Variants in ASB15 observed in about 807,000 individuals in gnomAD.
The protein encoded by ASB15 is ankyrin repeat and SOCS box containing 15, also known as ankyrin repeat and SOCS box protein 15.
In ASB15, 54 loss-of-function variants were observed where a neutral mutation model predicts 58.0. The ratio of observed to expected loss-of-function variants is 0.93; its 90% CI spans 0.75 to 1.17. The LOEUF (loss-of-function observed/expected upper bound fraction) is 1.17, where lower values mean the gene tolerates loss of function less well. Among genes scored for constraint, ASB15 ranks in the 50% most tolerant of loss-of-function variants. The probability of loss-of-function intolerance (pLI) is 0.00; values close to 1 mark genes in which losing one functional copy is unlikely to be tolerated. For missense variants in ASB15, 680 were observed against 707.4 expected (o/e 0.96, Z 0.44); for synonymous variants, 249 against 262.4 (o/e 0.95, Z 0.50).
chr7:123,623,484 C>G (rs1801469784), intron 7 of ASB15, among the ~76,000 whole-genome samples: 1 of 152,116 alleles, frequency 6.6e-6, no homozygotes, highest in African/African-American at 2.4e-5. Flanking sequence ...CTTAATTGTA[C>G]TACATTAACG....
chr7:123,621,678 C>T (rs1441719139), intron 7 of ASB15: 2 of 152,190 alleles, frequency 1.3e-5, no homozygotes, highest in Non-Finnish European at 2.9e-5. Flanking sequence ...CTTTTGGTCC[C>T]TCTGGGACCC....
intron 2 of ASB15, among the ~76,000 whole-genome samples, chr7:123,607,381 TG>T (rs1800200732): frequency 1.3e-5 from 2 of 152,254 alleles, no homozygotes; most frequent in Admixed American, 1.3e-4. Flanking sequence ...TTTCCTATTT[TG>T]GGACATTTAT....
chr7:123,600,990 A>G (rs890892257), upstream of ASB15, among the ~76,000 whole-genome samples: 2 of 152,168 alleles, frequency 1.3e-5, no homozygotes, highest in African/African-American at 2.4e-5. Flanking sequence ...TGAATATAAA[A>G]TATGAAATGA....
rs1562941308 is a variant in ASB15 at position 123,630,107 on chromosome 7, CG to C, written c.1583del (p.Arg528ProfsTer4). On this transcript the variant is annotated frameshift_variant, in exon 11 of 12. Coordinates refer to ENST00000451215, the MANE Select transcript of ASB15 (RefSeq NM_001290258.2). LOFTEE classifies it high-confidence loss of function. ...AGTACAGAGAGAATGGCCAGAAATC[CG>C]CCAAATACTAGGTAAAAACCAAAAG... ...LEVQREWPEIRQILENPCSLK... is the reference protein window; with the variant it reads ...LEVQREWPEIXQILENPCSLK... 1 of 1,583,694 alleles carries C rather than the reference CG, an allele frequency of 6.3e-7. No individual in the cohort carries two copies. Among genetic ancestry groups the C allele is most frequent in the East Asian group, 2.2e-5 (1 of 44,448 alleles).
intron 2 of ASB15, among the ~76,000 whole-genome samples, chr7:123,605,317 G>T (rs1195418092): frequency 6.6e-6 from 1 of 152,048 alleles, no homozygotes; most frequent in Non-Finnish European, 1.5e-5. Context: ...CAGTCAGAAT[G>T]GCTACTACTA....
intron 1 of ASB15, among the ~76,000 whole-genome samples, chr7:123,571,943 T>A (rs1299444651): frequency 6.6e-6 from 1 of 151,792 alleles, no homozygotes; most frequent in Non-Finnish European, 1.5e-5. Context: ...CTAGTTTTTT[T>A]AATGTTTTTA....
At chr7:123,604,440 A>C (rs1222455492) in intron 2 of ASB15, among the ~76,000 whole-genome samples, 2 of 151,810 alleles carry the variant, frequency 1.3e-5, no homozygotes, top group Non-Finnish European at 2.9e-5. Flanking sequence ...AAATTAGCCC[A>C]GCATAGTGGT....
chr7:123,613,935 A>G (rs1800625730), intron 3 of ASB15, among the ~76,000 whole-genome samples: 1 of 152,082 alleles, frequency 6.6e-6, no homozygotes, highest in Admixed American at 6.6e-5. Context: ...AATCCAAGCT[A>G]CTCAGGAGGC....
intron 1 of ASB15, among the ~76,000 whole-genome samples, chr7:123,588,257 G>A (rs1390688666): frequency 1.3e-5 from 2 of 151,688 alleles, no homozygotes; most frequent in African/African-American, 2.4e-5. Flanking sequence ...TTCAGTCTTG[G>A]TAGGTTGTAG....
intron 6 of ASB15, among the ~76,000 whole-genome samples, chr7:123,617,166 T>C (rs1047366953): frequency 6.6e-6 from 1 of 152,124 alleles, no homozygotes. Flanking sequence ...CAGACAGATA[T>C]AGATGATGTT....
intron 1 of ASB15, among the ~76,000 whole-genome samples, chr7:123,589,541 A>G (rs1445149701): frequency 3.3e-5 from 5 of 151,466 alleles, no homozygotes; most frequent in Non-Finnish European, 5.9e-5. Flanking sequence ...TCATTATTCA[A>G]CTCTCACTTA....
chr7:123,623,878 A>AAAAGC, intron 7 of ASB15, among the ~76,000 whole-genome samples: 1 of 146,516 alleles, frequency 6.8e-6, no homozygotes, highest in Middle Eastern at 3.4e-3. Flanking sequence ...AAAAAAAAAG[A>AAAAGC]AAAGAAAAGA....
intron 1 of ASB15, among the ~76,000 whole-genome samples, chr7:123,595,289 G>C (rs1799662733): frequency 6.6e-6 from 1 of 152,112 alleles, no homozygotes; most frequent in South Asian, 2.1e-4. Flanking sequence ...ACCATCCCTT[G>C]ATGATCTTCA....
intron 7 of ASB15, among the ~76,000 whole-genome samples, chr7:123,624,218 A>G (rs879889508): frequency 6.6e-6 from 1 of 152,142 alleles, no homozygotes; most frequent in African/African-American, 2.4e-5. Flanking sequence ...TACATTATTT[A>G]ATTTGTACAA....
intron 2 of ASB15, among the ~76,000 whole-genome samples, chr7:123,605,997 T>TA (rs201132636): frequency 1.3e-5 from 2 of 152,070 alleles, no homozygotes; most frequent in East Asian, 1.9e-4. Flanking sequence ...AAATGAAAGT[T>TA]AAAAAAAATA....
rs775079819 is a variant in ASB15 at position 123,610,071 on chromosome 7, C to T, written c.-3+1417C>T. 7.2e-5 allele frequency among the ~76,000 whole-genome samples: 11 copies of T among 152,208 alleles called. 1 individual carries two copies. In the South Asian group the frequency reaches 2.1e-3, roughly 29 times the overall value. On this transcript the variant is annotated intron_variant, in intron 3 of 11. Transcript: ENST00000451215. ...AGCCAAAGAAAAAGATTTATGTGTCCCTGGAAGCTATTTTTTATTTTTGGA... is the reference window on the plus strand; with the variant it reads ...AGCCAAAGAAAAAGATTTATGTGTCTCTGGAAGCTATTTTTTATTTTTGGA...
At chr7:123,593,271 A>G (rs1169007479) in intron 1 of ASB15, among the ~76,000 whole-genome samples, 1 of 152,142 alleles carries the variant, frequency 6.6e-6, no homozygotes, top group African/African-American at 2.4e-5. Flanking sequence ...GCCTGTTTAC[A>G]TTTAAGGTTA....
chr7:123,616,123 A>T, intron 4 of ASB15, 98 bp from the exon 5 acceptor site: 1 of 1,050,868 alleles, frequency 9.5e-7, no homozygotes, highest in Non-Finnish European at 1.4e-6. Flanking sequence ...CTTGATTATT[A>T]AAATTAAGTT....
At chr7:123,594,254 T>C (rs1799630464) in intron 1 of ASB15, among the ~76,000 whole-genome samples, 1 of 152,100 alleles carries the variant, frequency 6.6e-6, no homozygotes, top group African/African-American at 2.4e-5. Flanking sequence ...AAGTTTGTTA[T>C]TACCGACTTC....
Sources: allele counts gnomAD v4.1 joint callset (sites outside exome capture counted in the v4.1 genomes callset), GRCh38; gene constraint gnomAD v4.1.1; transcripts MANE v1.5; gene names NCBI Gene and HGNC (gene_info 2026-07-23, HGNC 2026-07-21).